The following CD163L1 variants were observed in gnomAD, a reference collection of about 807,000 sequenced individuals.
CD163L1 encodes CD163 molecule like 1.
A neutral mutation model predicts 165.4 loss-of-function variants in CD163L1; 124 were observed. The observed-to-expected ratio is 0.75, with a 90% confidence interval of 0.65 to 0.87. CD163L1 has a LOEUF of 0.87. Ranked by LOEUF, CD163L1 falls within the 40% of genes least tolerant of loss-of-function variation. The probability of loss-of-function intolerance (pLI) is 0.00; values close to 1 mark genes in which losing one functional copy is unlikely to be tolerated. For synonymous variants in CD163L1, 585 were observed against 662.2 expected (o/e 0.88, Z 1.79); for missense variants, 1,525 against 1,799.9 (o/e 0.85, Z 2.76).
At chr12:7,437,778 T>C (rs1246832589) in intron 2 of CD163L1, among the ~76,000 whole-genome samples, 1 of 151,774 alleles carries the variant, frequency 6.6e-6, no homozygotes. Flanking sequence ...TCAATGATCA[T>C]TAAATCCTCT....
downstream of CD163L1, among the ~76,000 whole-genome samples, chr12:7,345,221 C>T (rs771420382): frequency 2.7e-5 from 4 of 150,698 alleles, no homozygotes; most frequent in Non-Finnish European, 4.4e-5. Flanking sequence ...TAAATTACAA[C>T]ATTAAGTCAT....
the CD163L1 span, among the ~76,000 whole-genome samples, chr12:7,320,383 G>A: frequency 6.6e-6 from 1 of 152,188 alleles, no homozygotes; most frequent in Non-Finnish European, 1.5e-5. Context: ...ATATTGGCAG[G>A]AGGTTACAAG....
At chr12:7,382,752 T>C (rs1947438106) in intron 8 of CD163L1, among the ~76,000 whole-genome samples, 1 of 152,110 alleles carries the variant, frequency 6.6e-6, no homozygotes, top group Admixed American at 6.5e-5. Flanking sequence ...TGGCACCATT[T>C]TGAGAGTCCA....
chr12:7,406,535 A>G lies in CD163L1; in HGVS notation c.1084T>C (p.Ser362Pro). Residue 362 changes from serine to proline, a missense_variant, in exon 5 of 20, where the codon TCA becomes CCA. Physicochemically the swap from Ser to Pro is moderately conservative, Grantham distance 74 (BLOSUM62 -1). Coordinates refer to ENST00000313599, the MANE Select transcript of CD163L1 (RefSeq NM_174941.6). ...LHQNDVSVIC[S>P]DGADLELRLA... ...ATCATGTGGATGTAAGTCTTACCTG[A>G]GCAGATCACAGACACATCGTTTTGA... The G allele has an allele frequency of 6.2e-7, 1 of 1,613,746 alleles. No individual in the cohort carries two copies. The highest frequency in any genetic ancestry group is 8.5e-7 in the Non-Finnish European group (1 of 1,179,874).
At position 7,403,405 on chromosome 12, in the gene CD163L1, C is replaced by T; in HGVS notation, c.1408+130G>A. 3 of 824,406 alleles carry T rather than the reference C, an allele frequency of 3.6e-6. No individual in the cohort carries two copies. The East Asian group carries it at 8.0e-5, about 22-fold the overall frequency. 51.1% of individuals were successfully genotyped at this position (824,406 alleles called of 1,614,324 possible). A position where few individuals can be genotyped will look rare whatever the true frequency, so the allele number is the denominator to read the frequency against. On this transcript the variant is annotated intron_variant, in intron 6 of 19. Coordinates refer to ENST00000313599, the MANE Select transcript of CD163L1 (RefSeq NM_174941.6). ...ATGTGCATTTGAAAAGTTCTTTGTG[C>T]AGCTTAAGAGTATTTTGGGTTTTTT... is the stretch of plus-strand genomic sequence containing the variant.
At position 7,357,413 on chromosome 12, in the gene CD163L1, G is replaced by A; in HGVS notation, c.4353C>T (p.Ala1451=). Residue 1451 remains alanine, a synonymous_variant, in exon 19 of 20, where the codon GCC becomes GCT. Transcript: ENST00000313599. ...CCCTGGAAGTCTAAAGTCATTTTGT[G>A]GCTTCAGAGGCAGGAAGAACTCCCA... ...SLLGVLPASE[A]TK 6.2e-7 allele frequency: 1 copy of A among 1,612,470 alleles called. No homozygotes were observed. The highest frequency in any genetic ancestry group is 2.2e-5 in the East Asian group (1 of 44,840).
chr12:7,358,080 G>A (rs1205979126), intron 18 of CD163L1, among the ~76,000 whole-genome samples: 3 of 152,024 alleles, frequency 2.0e-5, no homozygotes, highest in Non-Finnish European at 4.4e-5. Context: ...CTCTTCTTAG[G>A]TCCATCAAAG....
At chr12:7,427,517 ATGAG>A (rs1252772365) in intron 4 of CD163L1, among the ~76,000 whole-genome samples, 1 of 152,136 alleles carries the variant, frequency 6.6e-6, no homozygotes. Flanking sequence ...TAATAATAAA[ATGAG>A]TGGGAAGAAA....
chr12:7,396,314 C>T lies in CD163L1; in HGVS notation c.1831G>A (p.Gly611Ser). ...ACAGCTGCAGCTTTACTGTTCCAGC[C>T]GTCATCACACACTGTGCCCCACCGT... ...QGRWGTVCDD[G>S]WNSKAAAVVC... Residue 611 changes from glycine to serine, a missense_variant, in exon 8 of 20, where the codon GGC becomes AGC. Coordinates refer to ENST00000313599, the MANE Select transcript of CD163L1 (RefSeq NM_174941.6). 3.7e-6 allele frequency: 6 copies of T among 1,614,142 alleles called. No homozygotes were observed. The highest frequency in any genetic ancestry group is 4.5e-5 in the East Asian group (2 of 44,870).
intron 4 of CD163L1, among the ~76,000 whole-genome samples, chr12:7,348,057 TC>T (rs1385791118): frequency 4.6e-5 from 7 of 152,230 alleles, no homozygotes; most frequent in African/African-American, 1.7e-4. Flanking sequence ...TTTTAAAGTA[TC>T]CCCTTCACTC....
At chr12:7,414,317 A>C (rs190412390) in intron 4 of CD163L1, among the ~76,000 whole-genome samples, 1 of 152,170 alleles carries the variant, frequency 6.6e-6, no homozygotes, top group Non-Finnish European at 1.5e-5. Flanking sequence ...AAAAAATACA[A>C]TGACACCTGA....
chr12:7,432,828 G>T lies in CD163L1; in HGVS notation c.446-92C>A, dbSNP rs1337886792. On this transcript the variant is annotated intron_variant, in intron 3 of 19. Transcript: ENST00000313599. The surrounding 1 kb of genome is among the most constrained non-coding windows in gnomAD (Gnocchi z 4.2). ...GATACGTAGAAGACAGCCCTGTTAT[G>T]AATGAAGTTACCAAAAATTAAAAAA... is the stretch of plus-strand genomic sequence containing the variant. 6 of 1,070,028 alleles carry T rather than the reference G, an allele frequency of 5.6e-6. No individual in the cohort carries two copies. The highest frequency in any genetic ancestry group is 6.5e-6 in the Non-Finnish European group (5 of 763,512). The allele number at this position is 1,070,028 out of a possible 1,614,324, so 66.3% of individuals were successfully genotyped here.
At chr12:7,370,956 G>A (rs142452421) in intron 14 of CD163L1, among the ~76,000 whole-genome samples, 3 of 152,070 alleles carry the variant, frequency 2.0e-5, no homozygotes, top group African/African-American at 7.2e-5. Context: ...CACGTGTTGT[G>A]GGGGGGACCT....
the CD163L1 span, among the ~76,000 whole-genome samples, chr12:7,331,418 C>T: frequency 2.0e-5 from 3 of 152,248 alleles, no homozygotes; most frequent in African/African-American, 7.2e-5. Flanking sequence ...CCCTGTCTGA[C>T]AGCTTTGAAG....
chr12:7,443,422 A>C (rs945709778), intron 1 of CD163L1, among the ~76,000 whole-genome samples: 3 of 152,208 alleles, frequency 2.0e-5, no homozygotes, highest in Non-Finnish European at 4.4e-5. Flanking sequence ...TATGAAGTGC[A>C]AGTGCAAAGG....
At chr12:7,322,601 CA>C in the CD163L1 span, 1 of 1,540,350 alleles carries the variant, frequency 6.5e-7, no homozygotes, top group Non-Finnish European at 8.7e-7. Flanking sequence ...CCAGGTTTTT[CA>C]ACTGAGCCCC....
At chr12:7,427,067 G>C (rs752687731) in intron 4 of CD163L1, among the ~76,000 whole-genome samples, 1 of 152,088 alleles carries the variant, frequency 6.6e-6, no homozygotes, top group Non-Finnish European at 1.5e-5. Context: ...CGAATATTAA[G>C]AGATTGAAAG....
At chr12:7,356,512 A>G (rs949102937) in intron 19 of CD163L1, among the ~76,000 whole-genome samples, 1 of 152,138 alleles carries the variant, frequency 6.6e-6, no homozygotes, top group Non-Finnish European at 1.5e-5. Context: ...ATCAGGAGAT[A>G]TGACTTATCT....
the CD163L1 span, chr12:7,328,583 A>G: frequency 3.0e-6 from 1 of 334,946 alleles, no homozygotes; most frequent in East Asian, 6.4e-5. Flanking sequence ...ATAATGACCA[A>G]ACTGACAAAG....
Sources: gnomAD v4.1 joint callset for allele counts (sites outside exome capture counted in the v4.1 genomes callset) on GRCh38, gnomAD v4.1.1 for gene constraint, Gnocchi (gnomAD v3.1) non-coding constraint, MANE v1.5 for transcripts, NCBI Gene and HGNC (gene_info 2026-07-23, HGNC 2026-07-21) for gene names.